The following MYO16 variants were observed in gnomAD, a reference collection of about 807,000 sequenced individuals.
MYO16 encodes unconventional myosin-XVI.
Under a neutral mutation model 205.3 loss-of-function variants are expected in MYO16, and 94 were observed. The observed-to-expected ratio is 0.46, with a 90% CI of 0.39 to 0.54. The LOEUF is 0.54. Among genes scored for constraint, MYO16 ranks in the 20% least tolerant of loss-of-function variants. MYO16 has a pLI of 0.00. For missense variants in MYO16, 2,315 were observed against 2,387.5 expected, an observed-to-expected ratio of 0.97 and a Z score of 0.63; for synonymous variants, 988 against 954.0, an observed-to-expected ratio of 1.04 and a Z score of -0.66.
intron 4 of MYO16, among the ~76,000 whole-genome samples, chr13:108,763,299 A>T (rs1885670312): frequency 6.6e-6 from 1 of 152,192 alleles, no homozygotes; most frequent in African/African-American, 2.4e-5. Flanking sequence ...GTCATGCATA[A>T]AATCTTAGCT....
chr13:109,020,194 A>C (rs1240860850), intron 23 of MYO16, among the ~76,000 whole-genome samples: 1 of 152,200 alleles, frequency 6.6e-6, no homozygotes, highest in African/African-American at 2.4e-5. Context: ...GAGCTCTGCT[A>C]TAAACTTTGG....
chr13:108,908,881 G>A (rs1242806636), intron 15 of MYO16, among the ~76,000 whole-genome samples: 1 of 151,698 alleles, frequency 6.6e-6, no homozygotes, highest in Non-Finnish European at 1.5e-5. Context: ...GCTGAGGCAG[G>A]AGAATCACTT....
the MYO16 span, among the ~76,000 whole-genome samples, chr13:108,576,765 CTTTT>C: frequency 6.6e-6 from 1 of 151,772 alleles, no homozygotes; most frequent in African/African-American, 2.4e-5. Flanking sequence ...TTCTTTCTTT[CTTTT>C]CTTTTTTTTT....
At chr13:109,082,306 T>G (rs1888306290) in intron 27 of MYO16, among the ~76,000 whole-genome samples, 1 of 152,202 alleles carries the variant, frequency 6.6e-6, no homozygotes. Flanking sequence ...ATCACTCCTC[T>G]TTAAGAAACA....
intron 24 of MYO16, chr13:109,049,048 G>T (rs1160035868): frequency 5.7e-5 from 4 of 70,332 alleles, no homozygotes; most frequent in Non-Finnish European, 1.1e-4. Flanking sequence ...GAAAATTTAG[G>T]ATTTACTGTC....
chr13:108,785,573 C>A, intron 4 of MYO16, 62 bp from the exon 5 acceptor site: 1 of 983,862 alleles, frequency 1.0e-6, no homozygotes, highest in Non-Finnish European at 1.5e-6. Context: ...TGAAGTACAA[C>A]TCCTAATCTG....
At chr13:108,906,985 T>A (rs1881010206) in intron 15 of MYO16, among the ~76,000 whole-genome samples, 1 of 152,160 alleles carries the variant, frequency 6.6e-6, no homozygotes, top group Admixed American at 6.5e-5. Flanking sequence ...GAGAAAATAT[T>A]TGGCTATCCG....
chr13:108,898,397 C>T, intron 15 of MYO16, among the ~76,000 whole-genome samples: 2 of 83,858 alleles, frequency 2.4e-5, no homozygotes, highest in Admixed American at 1.1e-4. Flanking sequence ...TGTATACATA[C>T]CTAGGATGTC....
At chr13:108,990,718 C>T (rs1033326820) in intron 20 of MYO16, among the ~76,000 whole-genome samples, 4 of 151,744 alleles carry the variant, frequency 2.6e-5, no homozygotes, top group African/African-American at 7.3e-5. Context: ...GAAATTTGTA[C>T]GAAGGCTTTT....
At chr13:108,891,454 A>G (rs965703553) in intron 14 of MYO16, among the ~76,000 whole-genome samples, 5 of 152,248 alleles carry the variant, frequency 3.3e-5, no homozygotes, top group Non-Finnish European at 7.3e-5. Context: ...AATTCCACAT[A>G]TACACTAACA....
intron 27 of MYO16, among the ~76,000 whole-genome samples, chr13:109,069,661 A>C (rs1318338365): frequency 1.3e-5 from 2 of 152,114 alleles, no homozygotes; most frequent in African/African-American, 4.8e-5. Context: ...GAAGTCAAGA[A>C]GGAGGTCGGG....
intron 3 of MYO16, among the ~76,000 whole-genome samples, chr13:108,719,466 C>T (rs1594238329): frequency 1.3e-5 from 2 of 152,112 alleles, no homozygotes; most frequent in South Asian, 2.1e-4. Context: ...GGAGCTCTAC[C>T]GAGACGGGCC....
chr13:109,002,281 A>G (rs1264308646), intron 21 of MYO16, among the ~76,000 whole-genome samples: 1 of 152,228 alleles, frequency 6.6e-6, no homozygotes, highest in Non-Finnish European at 1.5e-5. Context: ...TGTGATGTGT[A>G]TGCCATGCTC....
At position 109,021,970 on chromosome 13, in the gene MYO16, G is replaced by C. The variant is rs1391212463; in HGVS notation, c.2796+2059G>C. Among the ~76,000 whole-genome samples the C allele has an allele frequency of 2.0e-5, 3 of 151,528 alleles. No individual in the cohort carries two copies. In the East Asian group the frequency reaches 5.8e-4, roughly 29 times the overall value. On this transcript the variant is annotated intron_variant, in intron 23 of 34. Transcript: ENST00000457511. The stretch of plus-strand genomic sequence containing the variant: ...GTGATATGGTAGTTAGGCTAAACAG[G>C]AGCTTTGAGAGGCATTAGAGTGGCA...
the MYO16 span, among the ~76,000 whole-genome samples, chr13:108,518,164 C>T: frequency 2.7e-3 from 411 of 152,148 alleles, 3 homozygotes; most frequent in African/African-American, 9.1e-3. Context: ...GAAGGTTTAC[C>T]GGGTAAAAGG....
At chr13:108,699,975 G>T (rs1454199878) in intron 2 of MYO16, among the ~76,000 whole-genome samples, 2 of 152,110 alleles carry the variant, frequency 1.3e-5, no homozygotes, top group Non-Finnish European at 2.9e-5. Context: ...AAAGCACTGA[G>T]AACACTGGCA....
intron 3 of MYO16, among the ~76,000 whole-genome samples, chr13:108,726,006 G>C (rs919879808): frequency 1.3e-5 from 2 of 152,084 alleles, no homozygotes; most frequent in Non-Finnish European, 2.9e-5. Flanking sequence ...CTCTGTTACA[G>C]GGAAGCAGAA....
chr13:108,606,559 G>C (rs993428612), intron 1 of MYO16, among the ~76,000 whole-genome samples: 3 of 152,204 alleles, frequency 2.0e-5, no homozygotes, highest in African/African-American at 7.2e-5. Context: ...TTGAGGTTTG[G>C]GAACCTCCAC....
intron 3 of MYO16, among the ~76,000 whole-genome samples, chr13:108,717,353 G>A (rs1883983596): frequency 1.1e-5 from 1 of 87,252 alleles, no homozygotes; most frequent in Non-Finnish European, 2.2e-5. Context: ...CAGCTGGCCA[G>A]GCATGGTGAC....
Sources: allele counts gnomAD v4.1 joint callset (sites outside exome capture counted in the v4.1 genomes callset), GRCh38; gene constraint gnomAD v4.1.1; transcripts MANE v1.5; gene names NCBI Gene and HGNC (gene_info 2026-07-23, HGNC 2026-07-21).